The following NCOA2 variants were observed in gnomAD, a reference collection of about 807,000 sequenced individuals.
NCOA2 encodes nuclear receptor coactivator 2, also known as class E basic helix-loop-helix protein 75.
Under a neutral mutation model 145.1 loss-of-function variants are expected in NCOA2, and 21 were observed. The ratio of observed to expected loss-of-function variants is 0.14; its 90% CI spans 0.10 to 0.21. The LOEUF (loss-of-function observed/expected upper bound fraction) is 0.21, where lower values mean the gene tolerates loss of function less well. NCOA2 is among the 10% of genes least tolerant of loss of function. The pLI is 1.00. For missense variants in NCOA2, 1,472 were observed against 1,837.6 expected (o/e 0.80, Z 3.64); for synonymous variants, 619 against 637.5 (o/e 0.97, Z 0.44).
At chr8:70,366,459 C>T (rs1336857825) in intron 1 of NCOA2, among the ~76,000 whole-genome samples, 4 of 151,536 alleles carry the variant, frequency 2.6e-5, no homozygotes, top group East Asian at 1.9e-4. Context: ...GCCTTAGTCA[C>T]GACTTGGTAA....
intron 1 of NCOA2, among the ~76,000 whole-genome samples, chr8:70,330,064 T>G (rs980416461): frequency 1.3e-5 from 2 of 152,190 alleles, no homozygotes; most frequent in African/African-American, 4.8e-5. Flanking sequence ...CTGAGTCATA[T>G]TCCATCTTAC....
chr8:70,403,441 C>G (rs1470129413), intron 1 of NCOA2, among the ~76,000 whole-genome samples: 2 of 151,664 alleles, frequency 1.3e-5, no homozygotes, highest in Admixed American at 6.6e-5. Context: ...CCGGGGACTC[C>G]GCGTCTCCCC....
At chr8:70,277,670 C>T (rs1289645760) in intron 2 of NCOA2, among the ~76,000 whole-genome samples, 1 of 152,124 alleles carries the variant, frequency 6.6e-6, no homozygotes, top group South Asian at 2.1e-4. Context: ...CACGTTTATA[C>T]ACTATTCATA....
At chr8:70,386,354 T>C (rs1054932967) in intron 1 of NCOA2, among the ~76,000 whole-genome samples, 1 of 152,238 alleles carries the variant, frequency 6.6e-6, no homozygotes, top group African/African-American at 2.4e-5. Context: ...GCTCTCACCA[T>C]GTAAAAAGCC....
upstream of NCOA2, among the ~76,000 whole-genome samples, chr8:70,405,665 T>TAATA (rs530876297): frequency 6.4e-3 from 965 of 150,982 alleles, 8 homozygotes; most frequent in African/African-American, 0.02. Flanking sequence ...GGAGTTGTGA[T>TAATA]AATAAATAAA....
intron 1 of NCOA2, among the ~76,000 whole-genome samples, chr8:70,309,586 C>A (rs1482428905): frequency 6.6e-6 from 1 of 152,016 alleles, no homozygotes; most frequent in Admixed American, 6.6e-5. Flanking sequence ...AAGGAACTTA[C>A]AAGAAAACAT....
intron 1 of NCOA2, among the ~76,000 whole-genome samples, chr8:70,351,892 T>A (rs1357489090): frequency 6.6e-6 from 1 of 151,964 alleles, no homozygotes; most frequent in Non-Finnish European, 1.5e-5. Flanking sequence ...GTGAGTTCAC[T>A]TTTAATCTTT....
intron 2 of NCOA2, among the ~76,000 whole-genome samples, chr8:70,228,264 T>C (rs1231783358): frequency 6.6e-6 from 1 of 152,188 alleles, no homozygotes; most frequent in Non-Finnish European, 1.5e-5. Context: ...AGTTTCAAAC[T>C]TGAGACACAG....
At chr8:70,252,066 A>G (rs1823235125) in intron 2 of NCOA2, among the ~76,000 whole-genome samples, 1 of 152,224 alleles carries the variant, frequency 6.6e-6, no homozygotes, top group African/African-American at 2.4e-5. Context: ...AATAATTGTT[A>G]TATTGTGTTT....
chr8:70,127,222 C>T (rs895961171), intron 18 of NCOA2, among the ~76,000 whole-genome samples, 175 bp from the exon 19 acceptor site: 1 of 152,140 alleles, frequency 6.6e-6, no homozygotes, highest in Non-Finnish European at 1.5e-5. Flanking sequence ...AGAACATGAG[C>T]TTCTAAGTTC....
chr8:70,403,030 G>A (rs1374717617), intron 1 of NCOA2, among the ~76,000 whole-genome samples: 3 of 143,254 alleles, frequency 2.1e-5, no homozygotes, highest in Non-Finnish European at 4.6e-5. Context: ...GCCGGGCCGC[G>A]GCTCCCCTTC....
At chr8:70,234,514 T>TTTTAAGGTTCA (rs1821430599) in intron 2 of NCOA2, among the ~76,000 whole-genome samples, 1 of 152,196 alleles carries the variant, frequency 6.6e-6, no homozygotes, top group Non-Finnish European at 1.5e-5. Context: ...TTTCAAATCT[T>TTTTAAGGTTCA]CCCCAAACCT....
intron 1 of NCOA2, among the ~76,000 whole-genome samples, chr8:70,371,456 A>C (rs1318374031): frequency 6.6e-6 from 1 of 152,202 alleles, no homozygotes; most frequent in African/African-American, 2.4e-5. Flanking sequence ...TAGAATTCTT[A>C]TACTTAACAC....
intron 1 of NCOA2, among the ~76,000 whole-genome samples, chr8:70,383,479 A>G (rs1812390697): frequency 6.6e-6 from 1 of 151,046 alleles, no homozygotes; most frequent in Non-Finnish European, 1.5e-5. Flanking sequence ...GAAGAGGGAC[A>G]CTAAAATCAT....
chr8:70,443,989 GCACA>G, the NCOA2 span, among the ~76,000 whole-genome samples: 1 of 151,948 alleles, frequency 6.6e-6, no homozygotes. Context: ...ACACACACAC[GCACA>G]CACACAGAGC....
At chr8:70,281,348 C>A (rs532473410) in intron 2 of NCOA2, among the ~76,000 whole-genome samples, 274 of 120,924 alleles carry the variant, frequency 2.3e-3, no homozygotes, top group African/African-American at 9.1e-3. Context: ...AGAGCGAGAC[C>A]CTGTCTCAAA....
Position 70,388,298 on chromosome 8 carries a change from T to C in NCOA2, c.-77+15402A>G, listed in dbSNP as rs140957157. 1.2e-3 allele frequency among the ~76,000 whole-genome samples: 183 copies of C among 152,336 alleles called. 2 individuals are homozygous for C. The East Asian group carries it at 0.028, about 23-fold the overall frequency. Reference sequence around the variant, plus strand: ...TCATGCAGCTCTTATTAAAGGTATATGTAAAATGAGGAAAAATAGAAACAT... The same window carrying C: ...TCATGCAGCTCTTATTAAAGGTATACGTAAAATGAGGAAAAATAGAAACAT... On this transcript the variant is annotated intron_variant, in intron 1 of 22. Coordinates refer to ENST00000452400, the MANE Select transcript of NCOA2 (RefSeq NM_006540.4).
chr8:70,259,034 G>C (rs577425036), intron 2 of NCOA2, among the ~76,000 whole-genome samples: 4 of 152,132 alleles, frequency 2.6e-5, no homozygotes, highest in Non-Finnish European at 5.9e-5. Flanking sequence ...AGTATTCTTT[G>C]ACTTGGCCTG....
intron 1 of NCOA2, among the ~76,000 whole-genome samples, chr8:70,376,513 C>G (rs1782095867): frequency 6.6e-6 from 1 of 152,106 alleles, no homozygotes; most frequent in African/African-American, 2.4e-5. Context: ...TAAAGTGATT[C>G]AGGACACACT....
Sources: allele counts gnomAD v4.1 joint callset (sites outside exome capture counted in the v4.1 genomes callset), GRCh38; gene constraint gnomAD v4.1.1; transcripts MANE v1.5; gene names NCBI Gene and HGNC (gene_info 2026-07-23, HGNC 2026-07-21).